Variants in HIBCH observed in about 807,000 individuals in gnomAD.
HIBCH encodes the protein 3-hydroxyisobutyryl-CoA hydrolase.
Under a neutral mutation model 58.2 loss-of-function variants are expected in HIBCH, and 50 were observed. The ratio of observed to expected loss-of-function variants is 0.86; its 90% CI spans 0.68 to 1.09. HIBCH has a LOEUF of 1.09. HIBCH is among the 50% of genes least tolerant of loss of function. The pLI, the probability that HIBCH is intolerant of heterozygous loss-of-function variation, is 0.00. For synonymous variants in HIBCH, 151 were observed against 146.9 expected, an observed-to-expected ratio of 1.03 and a Z score of -0.20; for missense variants, 450 against 449.7, an observed-to-expected ratio of 1.00 and a Z score of -0.01.
At chr2:190,272,237 T>C (rs1687419328) in intron 6 of HIBCH, among the ~76,000 whole-genome samples, 1 of 152,218 alleles carries the variant, frequency 6.6e-6, no homozygotes, top group African/African-American at 2.4e-5. Flanking sequence ...GTCTGTTTTG[T>C]TCACTGTTTT....
chr2:190,227,716 A>G (rs1413389293), intron 11 of HIBCH, among the ~76,000 whole-genome samples: 1 of 152,134 alleles, frequency 6.6e-6, no homozygotes, highest in Admixed American at 6.6e-5. Context: ...AAGAAAAAAA[A>G]TCAAACAACC....
intron 11 of HIBCH, among the ~76,000 whole-genome samples, chr2:190,229,985 G>T (rs919135464): frequency 2.0e-5 from 3 of 152,174 alleles, no homozygotes; most frequent in African/African-American, 7.2e-5. Flanking sequence ...GGTTACTGTA[G>T]AGAGCTTGTA....
rs151118245 is a variant in HIBCH, at chr2:190,271,564, A to C, written c.439-10330T>G. ...CTCCACCTCCCAAAGTGCTGGGATT[A>C]CAGGTGTGAGCCACTGTGTCTGGCC... On this transcript the variant is annotated intron_variant, in intron 6 of 13. Coordinates refer to ENST00000359678, the MANE Select transcript of HIBCH (RefSeq NM_014362.4). 6.8e-3 allele frequency among the ~76,000 whole-genome samples: 1,028 copies of C among 152,236 alleles called. 13 individuals are homozygous for C. Among genetic ancestry groups the C allele is most frequent in the African/African-American group, 0.023 (935 of 41,542 alleles).
intron 8 of HIBCH, chr2:190,250,325 T>C (rs766744702): frequency 2.2e-6 from 1 of 460,218 alleles, no homozygotes; most frequent in Non-Finnish European, 4.5e-6. Context: ...GGTAAGCTCT[T>C]CCTCCTTTCA....
intron 13 of HIBCH, among the ~76,000 whole-genome samples, chr2:190,208,027 A>G (rs1417601197): frequency 2.6e-5 from 4 of 152,276 alleles, no homozygotes; most frequent in African/African-American, 9.6e-5. Flanking sequence ...ACAGCTTTTT[A>G]TAAGGATAAG....
intron 8 of HIBCH, 109 bp from the exon 9 acceptor site, chr2:190,249,835 G>A (rs1686712123): frequency 1.3e-6 from 1 of 767,870 alleles, no homozygotes; most frequent in Non-Finnish European, 2.2e-6. Context: ...AAATTATGAA[G>A]CTGTCTCTTC....
chr2:190,318,300 G>A (rs1688756438), intron 1 of HIBCH, among the ~76,000 whole-genome samples: 1 of 152,038 alleles, frequency 6.6e-6, no homozygotes, highest in African/African-American at 2.4e-5. Context: ...GGTAAGGAGA[G>A]GCGGTGGAGA....
intron 6 of HIBCH, among the ~76,000 whole-genome samples, chr2:190,263,241 T>A (rs1032183326): frequency 6.6e-6 from 1 of 152,136 alleles, no homozygotes; most frequent in Non-Finnish European, 1.5e-5. Flanking sequence ...TTATTCCAAT[T>A]CCAACTCTCC....
Position 190,210,540 on chromosome 2 carries a change from A to C in HIBCH, c.1012-1627T>G, listed in dbSNP as rs1430506516. 6.6e-6 allele frequency among the ~76,000 whole-genome samples: 1 copy of C among 152,156 alleles called. No homozygotes were observed. Among genetic ancestry groups the C allele is most frequent in the African/African-American group, 2.4e-5 (1 of 41,428 alleles). On this transcript the variant is annotated intron_variant, in intron 12 of 13. Transcript: ENST00000359678. The surrounding 1 kb of genome is among the most constrained non-coding windows in gnomAD (Gnocchi z 5.5). ...TAGCAGCCTGAGTGATCAATTCTTT[A>C]AAGTATAAGATCATGGCATTCCTCT... is the stretch of plus-strand genomic sequence containing the variant.
At chr2:190,267,008 C>T (rs1036403911) in intron 6 of HIBCH, among the ~76,000 whole-genome samples, 116 of 152,286 alleles carry the variant, frequency 7.6e-4, no homozygotes, top group African/African-American at 2.7e-3. Flanking sequence ...CCAAATGCCT[C>T]GGCCTCCCAA....
chr2:190,227,844 C>T (rs1467325008), intron 11 of HIBCH, among the ~76,000 whole-genome samples: 1 of 152,146 alleles, frequency 6.6e-6, no homozygotes, highest in Non-Finnish European at 1.5e-5. Context: ...TAAATCAAAA[C>T]CACAATGAGA....
In HIBCH at chr2:190,212,985, T is replaced by C. The variant is rs752505143; in HGVS notation, c.982A>G (p.Met328Val). 5 of 1,612,124 alleles carry C rather than the reference T, an allele frequency of 3.1e-6. No homozygotes were observed. In the East Asian group the frequency reaches 6.7e-5, roughly 22 times the overall value. ...CAAGCTTGACTTAGCCGATACTCCA[T>C]AGTTAGTACTTCTTGCAAGGTCTTT... ...SSKTLQEVLT[M>V]EYRLSQACMR... Residue 328 changes from methionine to valine, a missense_variant, in exon 12 of 14, where the codon ATG becomes GTG. Physicochemically the swap from Met to Val is conservative, Grantham distance 21. Transcript: ENST00000359678.
chr2:190,195,051 A>G (rs1213849422), intron 1 of HIBCH, among the ~76,000 whole-genome samples: 2 of 151,854 alleles, frequency 1.3e-5, no homozygotes, highest in African/African-American at 2.4e-5. Context: ...TTTTGTAGAG[A>G]CGGGGTCTTG....
chr2:190,226,735 G>A (rs966965543), intron 11 of HIBCH, among the ~76,000 whole-genome samples: 21 of 151,914 alleles, frequency 1.4e-4, no homozygotes, highest in Admixed American at 3.3e-4. Context: ...CAAAGTCTCC[G>A]GATACAAAAA....
chr2:190,244,070 C>T (rs1686532221), intron 11 of HIBCH, among the ~76,000 whole-genome samples: 1 of 152,018 alleles, frequency 6.6e-6, no homozygotes, highest in South Asian at 2.1e-4. Flanking sequence ...TTCCTGACAA[C>T]TGAAATGCTA....
intron 6 of HIBCH, among the ~76,000 whole-genome samples, chr2:190,274,856 G>A (rs1687505869): frequency 6.6e-6 from 1 of 152,142 alleles, no homozygotes; most frequent in Non-Finnish European, 1.5e-5. Context: ...CTTGCAATTT[G>A]GTCATCCTTC....
Position 190,209,803 on chromosome 2 carries a change from T to C in HIBCH, c.1012-890A>G, listed in dbSNP as rs1690475542. Among the ~76,000 whole-genome samples, 1 of 152,234 alleles carries C rather than the reference T, an allele frequency of 6.6e-6. No homozygotes were observed. The highest frequency in any genetic ancestry group is 1.5e-5 in the Non-Finnish European group (1 of 68,046). ...GAATCATCGATGTAGGCAATATAGC[T>C]GAGTTCAAATGTCTAGGTTCACATC... On this transcript the variant is annotated intron_variant, in intron 12 of 13. Transcript: ENST00000359678. The surrounding 1 kb of genome is among the most constrained non-coding windows in gnomAD (Gnocchi z 5.6).
chr2:190,262,739 G>C (rs1687125135), intron 6 of HIBCH, among the ~76,000 whole-genome samples: 2 of 152,226 alleles, frequency 1.3e-5, no homozygotes, highest in Non-Finnish European at 2.9e-5. Context: ...ATCCATGCGG[G>C]GTAACTGATT....
At chr2:190,309,664 T>C (rs1220474369) in intron 2 of HIBCH, among the ~76,000 whole-genome samples, 1 of 151,764 alleles carries the variant, frequency 6.6e-6, no homozygotes, top group Non-Finnish European at 1.5e-5. Context: ...CACGCCATTC[T>C]CCTGCCTCAG....
Sources: allele counts gnomAD v4.1 joint callset (sites outside exome capture counted in the v4.1 genomes callset), GRCh38; gene constraint gnomAD v4.1.1; non-coding constraint Gnocchi (gnomAD v3.1); transcripts MANE v1.5; gene names NCBI Gene and HGNC (gene_info 2026-07-23, HGNC 2026-07-21).